The following HSDL2 variants were observed in gnomAD, a reference collection of about 807,000 sequenced individuals.
HSDL2 encodes the protein hydroxysteroid dehydrogenase like 2.
In HSDL2, 27 loss-of-function variants were observed where a neutral mutation model predicts 46.3. That is an observed-to-expected ratio of 0.58 (90% confidence interval 0.43 to 0.80). The LOEUF is 0.80. Among genes scored for constraint, HSDL2 ranks in the 30% least tolerant of loss-of-function variants. The probability of loss-of-function intolerance (pLI) is 0.00; values close to 1 mark genes in which losing one functional copy is unlikely to be tolerated. For missense variants in HSDL2, 451 were observed against 502.7 expected (o/e 0.90, Z 0.98); for synonymous variants, 153 against 163.6 (o/e 0.94, Z 0.50).
intron 3 of HSDL2, among the ~76,000 whole-genome samples, chr9:112,408,692 A>C (rs1251903996): frequency 6.6e-6 from 1 of 152,178 alleles, no homozygotes; most frequent in Non-Finnish European, 1.5e-5. Flanking sequence ...GTAAGTATGT[A>C]TCTGAACAAA....
At chr9:112,415,046 G>A (rs1831961492) in intron 4 of HSDL2, among the ~76,000 whole-genome samples, 1 of 151,872 alleles carries the variant, frequency 6.6e-6, no homozygotes, top group African/African-American at 2.4e-5. Context: ...CTAAAATAAA[G>A]CTATAAATTA....
intron 8 of HSDL2, among the ~76,000 whole-genome samples, chr9:112,446,552 G>GC (rs1832764567): frequency 6.6e-6 from 1 of 152,158 alleles, no homozygotes; most frequent in African/African-American, 2.4e-5. Flanking sequence ...GATCACTTGA[G>GC]CCCAGGAGTT....
rs1832217731 is a variant in HSDL2, at chr9:112,425,145, C to T, written c.598+6187C>T. 3.9e-5 allele frequency among the ~76,000 whole-genome samples: 6 copies of T among 152,028 alleles called. No individual in the cohort carries two copies. In the South Asian group the frequency reaches 1.0e-3, roughly 26 times the overall value. On this transcript the variant is annotated intron_variant, in intron 6 of 10. Transcript: ENST00000398805. ...ATCATAATATATATGCAGTTTCTTC[C>T]CTTTTTTTAACTTTAGTTCTTGCAT...
chr9:112,437,470 A>G lies in HSDL2; in HGVS notation c.599-961A>G, dbSNP rs796418478. Among the ~76,000 whole-genome samples the G allele has an allele frequency of 5.9e-5, 9 of 152,230 alleles. 1 individual carries two copies. Among genetic ancestry groups the G allele is most frequent in the African/African-American group, 2.2e-4 (9 of 41,486 alleles). ...TTCTTACAATAGATGATATATCATA[A>G]TTTAATTGGCAGCTTTTTTGTTTCC... On this transcript the variant is annotated intron_variant, in intron 6 of 10. Coordinates refer to ENST00000398805, the MANE Select transcript of HSDL2 (RefSeq NM_032303.5).
chr9:112,392,553 A>G (rs1286058138), intron 1 of HSDL2, among the ~76,000 whole-genome samples: 1 of 152,124 alleles, frequency 6.6e-6, no homozygotes, highest in Admixed American at 6.6e-5. Flanking sequence ...TATTAATATT[A>G]ATATTCCTTG....
At chr9:112,419,058 G>A (rs1832061145) in intron 6 of HSDL2, 100 bp downstream of exon 6, 3 of 589,138 alleles carry the variant, frequency 5.1e-6, no homozygotes, top group Non-Finnish European at 9.0e-6. Flanking sequence ...ATCCAGGCTG[G>A]AGTGCAGTGG....
At chr9:112,431,699 T>C (rs1227289187) in intron 6 of HSDL2, among the ~76,000 whole-genome samples, 1 of 152,130 alleles carries the variant, frequency 6.6e-6, no homozygotes, top group East Asian at 1.9e-4. Flanking sequence ...CTGGCTCTCT[T>C]GTTCCTGCTT....
At position 112,470,703 on chromosome 9, in the gene HSDL2, T is replaced by C. The variant is rs1833554240; in HGVS notation, c.*159T>C. On this transcript the variant is annotated 3_prime_UTR_variant, in exon 11 of 11. Transcript: ENST00000398805. ...GTCTCTAAAAGACTTGAAATTGTAA[T>C]TAAAATGGCAAGCTAATCAAACATA... is the stretch of plus-strand genomic sequence containing the variant. The C allele has an allele frequency of 2.0e-6, 1 of 511,516 alleles. No homozygotes were observed. The highest frequency in any genetic ancestry group is 3.4e-6 in the Non-Finnish European group (1 of 290,522). The allele number at this position is 511,516 out of a possible 1,614,324, so 31.7% of individuals were successfully genotyped here. A position where few individuals can be genotyped will look rare whatever the true frequency, so the allele number is the denominator to read the frequency against.
Position 112,380,141 on chromosome 9 carries a change from A to T in HSDL2, c.-23A>T. Reference sequence around the variant, plus strand: ...GCTCGCCGCCGCCGCTGTCGCCGCCACCTCCTCTGATCTACGAAAGTCATG... The same window carrying T: ...GCTCGCCGCCGCCGCTGTCGCCGCCTCCTCCTCTGATCTACGAAAGTCATG... On this transcript the variant is annotated 5_prime_UTR_variant, in exon 1 of 11. Transcript: ENST00000398805. 1.3e-6 allele frequency: 2 copies of T among 1,562,036 alleles called. No individual in the cohort carries two copies. The highest frequency in any genetic ancestry group is 1.7e-6 in the Non-Finnish European group (2 of 1,152,462).
At chr9:112,403,803 A>G (rs760053426) in intron 1 of HSDL2, among the ~76,000 whole-genome samples, 192 bp from the exon 2 acceptor site, 15 of 152,252 alleles carry the variant, frequency 9.9e-5, no homozygotes, top group Non-Finnish European at 1.6e-4. Context: ...TGCAGTTGTC[A>G]TAAATAATTT....
intron 1 of HSDL2, among the ~76,000 whole-genome samples, chr9:112,398,020 C>T (rs1041726838): frequency 6.6e-6 from 1 of 152,078 alleles, no homozygotes; most frequent in Admixed American, 6.5e-5. Flanking sequence ...AGAACAGGCA[C>T]ATGAGATGGA....
chr9:112,420,695 C>G (rs968442140), intron 6 of HSDL2, among the ~76,000 whole-genome samples: 1 of 151,990 alleles, frequency 6.6e-6, no homozygotes, highest in Non-Finnish European at 1.5e-5. Flanking sequence ...CCCTTTGTCC[C>G]GAGAATACTC....
chr9:112,431,701 T>G (rs147869071), intron 6 of HSDL2, among the ~76,000 whole-genome samples: 166 of 152,216 alleles, frequency 1.1e-3, no homozygotes, highest in African/African-American at 3.5e-3. Flanking sequence ...GGCTCTCTTG[T>G]TCCTGCTTTT....
At chr9:112,417,730 T>A (rs1166837955) in intron 5 of HSDL2, among the ~76,000 whole-genome samples, 3 of 152,048 alleles carry the variant, frequency 2.0e-5, no homozygotes, top group Non-Finnish European at 4.4e-5. Context: ...AGCCTTTTTT[T>A]ATTATTGTTT....
At chr9:112,453,122 C>T (rs1475171923) in intron 8 of HSDL2, among the ~76,000 whole-genome samples, 5 of 152,068 alleles carry the variant, frequency 3.3e-5, no homozygotes, top group East Asian at 1.9e-4. Context: ...ATTTCTAACC[C>T]GTGATGGGAG....
At chr9:112,385,382 G>A (rs1003043798) in intron 1 of HSDL2, among the ~76,000 whole-genome samples, 1 of 152,018 alleles carries the variant, frequency 6.6e-6, no homozygotes, top group African/African-American at 2.4e-5. Flanking sequence ...AGGATGGAGT[G>A]CAGTGGCGCG....
chr9:112,403,854 C>A, intron 1 of HSDL2, 141 bp from the exon 2 acceptor site: 2 of 725,466 alleles, frequency 2.8e-6, no homozygotes, highest in East Asian at 2.6e-5. Context: ...AGTTATCTGC[C>A]ATCAGATGGG....
At chr9:112,385,357 CTT>C (rs1226725396) in intron 1 of HSDL2, among the ~76,000 whole-genome samples, 1 of 152,072 alleles carries the variant, frequency 6.6e-6, no homozygotes, top group Non-Finnish European at 1.5e-5. Context: ...GAGATGGAGT[CTT>C]GCTCTGTCGC....
At chr9:112,439,256 C>G (rs1343973493) in intron 7 of HSDL2, among the ~76,000 whole-genome samples, 1 of 152,186 alleles carries the variant, frequency 6.6e-6, no homozygotes, top group Non-Finnish European at 1.5e-5. Flanking sequence ...CCTTGGCCTC[C>G]TAAAGTGTTA....
Sources: gnomAD v4.1 joint callset for allele counts (sites outside exome capture counted in the v4.1 genomes callset) on GRCh38, gnomAD v4.1.1 for gene constraint, MANE v1.5 for transcripts, NCBI Gene and HGNC (gene_info 2026-07-23, HGNC 2026-07-21) for gene names.